Variants in PKD1L1 observed in about 807,000 individuals in gnomAD.
The protein encoded by PKD1L1 is polycystin 1 like 1, transient receptor potential channel interacting, also known as polycystin-1-like protein 1.
PKD1L1 carries 236 observed loss-of-function variants against 323.4 expected under a neutral mutation model. The observed-to-expected ratio is 0.73, with a 90% CI of 0.66 to 0.81. The LOEUF is 0.81. Among genes scored for constraint, PKD1L1 ranks in the 40% least tolerant of loss-of-function variants. The pLI is 0.00. For synonymous variants in PKD1L1, 1,344 were observed against 1,335.0 expected, an observed-to-expected ratio of 1.01 and a Z score of -0.15; for missense variants, 3,320 against 3,508.0, an observed-to-expected ratio of 0.95 and a Z score of 1.35.
intron 14 of PKD1L1, 135 bp from the exon 15 acceptor site, chr7:47,894,194 T>TG: frequency 1.4e-6 from 1 of 738,840 alleles, no homozygotes; most frequent in African/African-American, 1.8e-5. Context: ...AAAACAGTCT[T>TG]GGTAGTCAAA....
At chr7:47,806,765 A>G (rs370522570) in intron 52 of PKD1L1, among the ~76,000 whole-genome samples, 2 of 152,232 alleles carry the variant, frequency 1.3e-5, no homozygotes, top group South Asian at 2.1e-4. Flanking sequence ...AGTTCTCACA[A>G]TAACTGTTGA....
intron 32 of PKD1L1, among the ~76,000 whole-genome samples, chr7:47,845,889 A>G (rs985831414): frequency 6.6e-6 from 1 of 151,624 alleles, no homozygotes; most frequent in African/African-American, 2.4e-5. Context: ...CCTGTTATTC[A>G]TTTTTGTACC....
At chr7:47,908,699 T>C (rs1370113537) in intron 8 of PKD1L1, among the ~76,000 whole-genome samples, 1 of 152,212 alleles carries the variant, frequency 6.6e-6, no homozygotes, top group Non-Finnish European at 1.5e-5. Flanking sequence ...CAAACCCTTA[T>C]CCGTTTTTCA....
At chr7:47,914,659 T>A (rs1031076375) in intron 8 of PKD1L1, among the ~76,000 whole-genome samples, 1 of 152,164 alleles carries the variant, frequency 6.6e-6, no homozygotes, top group Middle Eastern at 3.2e-3. Context: ...CTCAACCTCA[T>A]CTTACCCAAT....
At chr7:47,920,416 T>A (rs558540149) in intron 7 of PKD1L1, among the ~76,000 whole-genome samples, 1 of 150,862 alleles carries the variant, frequency 6.6e-6, no homozygotes, top group Non-Finnish European at 1.5e-5. Flanking sequence ...TGGAAACACA[T>A]CCCATGCTCA....
intron 56 of PKD1L1, among the ~76,000 whole-genome samples, chr7:47,789,316 T>C (rs1284096175): frequency 1.3e-5 from 2 of 152,230 alleles, no homozygotes; most frequent in Admixed American, 1.3e-4. Context: ...ATGATAACTG[T>C]TCTCTCCTTC....
Position 47,885,776 on chromosome 7 carries a change from G to A in PKD1L1, c.3115C>T (p.Leu1039=). ...GEAPEEGSLD[L]EPGPQSKGSL... ...CCCTTGCTCTGTGGCCCTGGCTCTA[G>A]GTCTAGTGAACCTTCCTCTGGAGCC... Residue 1039 remains leucine, a synonymous_variant, in exon 18 of 57, where the codon CTA becomes TTA. Coordinates refer to ENST00000289672, the MANE Select transcript of PKD1L1 (RefSeq NM_138295.5). The A allele has an allele frequency of 6.2e-7, 1 of 1,614,214 alleles. No individual in the cohort carries two copies. The highest frequency in any genetic ancestry group is 8.5e-7 in the Non-Finnish European group (1 of 1,180,042).
At chr7:47,777,134 C>T (rs1034137083) in intron 56 of PKD1L1, among the ~76,000 whole-genome samples, 3 of 152,188 alleles carry the variant, frequency 2.0e-5, no homozygotes, top group South Asian at 2.1e-4. Context: ...TCAAGTGATC[C>T]GTCCACTTCA....
intron 22 of PKD1L1, among the ~76,000 whole-genome samples, chr7:47,877,027 A>C (rs1786420051): frequency 6.6e-6 from 1 of 151,712 alleles, no homozygotes; most frequent in Non-Finnish European, 1.5e-5. Flanking sequence ...CCATCCTCTC[A>C]TTTCACCCTC....
At chr7:47,927,454 T>C (rs1464235494) in intron 7 of PKD1L1, among the ~76,000 whole-genome samples, 2 of 152,036 alleles carry the variant, frequency 1.3e-5, no homozygotes, top group Non-Finnish European at 2.9e-5. Context: ...TTAGTAGAGA[T>C]GGGGTTTCAC....
intron 14 of PKD1L1, among the ~76,000 whole-genome samples, chr7:47,896,003 C>T (rs1037570968): frequency 6.6e-6 from 1 of 152,120 alleles, no homozygotes; most frequent in Non-Finnish European, 1.5e-5. Flanking sequence ...TCTTGCCTGG[C>T]CTTAGGTCTT....
chr7:47,826,224 C>T (rs1785238101), intron 45 of PKD1L1, among the ~76,000 whole-genome samples: 1 of 152,186 alleles, frequency 6.6e-6, no homozygotes, highest in African/African-American at 2.4e-5. Flanking sequence ...AGGGTGGGTG[C>T]ACTCTCTGGT....
At chr7:47,788,131 A>T (rs12670494) in intron 56 of PKD1L1, among the ~76,000 whole-genome samples, 37,577 of 151,420 alleles carry the variant, frequency 0.25, 5,194 homozygotes, top group East Asian at 0.57. Flanking sequence ...ATTTTTTTTA[A>T]AAATATCGAT....
chr7:47,780,954 G>A (rs1786678403), intron 56 of PKD1L1, among the ~76,000 whole-genome samples: 1 of 152,128 alleles, frequency 6.6e-6, no homozygotes, highest in Admixed American at 6.6e-5. Context: ...AAGTTTTCAT[G>A]TTTCATTTTA....
intron 31 of PKD1L1, among the ~76,000 whole-genome samples, chr7:47,851,396 C>T (rs921119507): frequency 1.8e-4 from 28 of 152,226 alleles, no homozygotes; most frequent in African/African-American, 6.7e-4. Flanking sequence ...GAACTAAACA[C>T]ATTGAATTTT....
intron 39 of PKD1L1, 56 bp downstream of exon 39, chr7:47,834,911 T>A: frequency 6.9e-7 from 1 of 1,443,422 alleles, no homozygotes; most frequent in Non-Finnish European, 9.6e-7. Flanking sequence ...CTTAGTAGAT[T>A]GGTGCAAAAG....
chr7:47,905,860 A>C lies in PKD1L1; in HGVS notation c.1505T>G (p.Val502Gly). 6.2e-7 allele frequency: 1 copy of C among 1,612,952 alleles called. No individual in the cohort carries two copies. The highest frequency in any genetic ancestry group is 1.1e-5 in the South Asian group (1 of 90,810). ...GDSQAWHSMT[V>G]WYKMQSVSVY... ...AGACATACATTGCATCTTATACCAG[A>C]CAGTCATGCTGTGCCAAGCCTGGCT... The change falls in exon 10 of 57, where the codon GTC becomes GGC. Residue 502 changes from valine to glycine, a missense_variant. By Grantham distance (109) the Val-to-Gly change is moderately radical (BLOSUM62 -3). Coordinates refer to ENST00000289672, the MANE Select transcript of PKD1L1 (RefSeq NM_138295.5).
chr7:47,883,911 C>T (rs1462644687), intron 19 of PKD1L1, among the ~76,000 whole-genome samples: 3 of 152,198 alleles, frequency 2.0e-5, no homozygotes, highest in Non-Finnish European at 4.4e-5. Context: ...ATCAGTCACT[C>T]GCTGATCAAA....
chr7:47,934,663 G>A (rs1350513311), intron 4 of PKD1L1, among the ~76,000 whole-genome samples: 1 of 151,994 alleles, frequency 6.6e-6, no homozygotes, highest in Non-Finnish European at 1.5e-5. Context: ...CCAGATTAAA[G>A]TCCGTGCATG....
Sources: allele counts gnomAD v4.1 joint callset (sites outside exome capture counted in the v4.1 genomes callset), GRCh38; gene constraint gnomAD v4.1.1; transcripts MANE v1.5; gene names NCBI Gene and HGNC (gene_info 2026-07-23, HGNC 2026-07-21).